The following UGP2 variants were observed in gnomAD, a reference collection of about 807,000 sequenced individuals.
The protein encoded by UGP2 is UDP-glucose pyrophosphorylase 2, also known as UTP--glucose-1-phosphate uridylyltransferase.
A neutral mutation model predicts 49.0 loss-of-function variants in UGP2; 40 were observed. The observed-to-expected ratio is 0.82, with a 90% confidence interval of 0.63 to 1.06. The LOEUF (loss-of-function observed/expected upper bound fraction) is 1.06. Ranked by LOEUF, UGP2 falls within the 50% of genes least tolerant of loss-of-function variation. The pLI is 0.00. For missense variants in UGP2, 460 were observed against 603.5 expected (o/e 0.76, Z 2.49); for synonymous variants, 225 against 213.0 (o/e 1.06, Z -0.49).
intron 1 of UGP2, among the ~76,000 whole-genome samples, chr2:63,850,731 C>T (rs77781263): frequency 0.039 from 5,902 of 152,246 alleles, 176 homozygotes; most frequent in Non-Finnish European, 0.056. Flanking sequence ...GGGACTGGGG[C>T]TTCAGATACT....
At chr2:63,887,921 G>T in intron 8 of UGP2, 1 of 358,672 alleles carries the variant, frequency 2.8e-6, no homozygotes, top group South Asian at 3.7e-5. Flanking sequence ...TCATCAGTGG[G>T]AAAAGGTTAA....
intron 1 of UGP2, among the ~76,000 whole-genome samples, chr2:63,850,983 T>A (rs1033048554): frequency 3.3e-5 from 5 of 152,346 alleles, no homozygotes; most frequent in African/African-American, 1.2e-4. Flanking sequence ...ATTACAGACA[T>A]ATACTTTCAC....
intron 3 of UGP2, among the ~76,000 whole-genome samples, chr2:63,867,168 C>G (rs1670240094): frequency 6.6e-6 from 1 of 152,148 alleles, no homozygotes; most frequent in Admixed American, 6.5e-5. Flanking sequence ...TTACTTCAAG[C>G]TCTATGTAAA....
chr2:63,841,035 T>G (rs955006529), upstream of UGP2: 6 of 152,060 alleles, frequency 3.9e-5, no homozygotes, highest in Admixed American at 1.3e-4. Context: ...GGGCTGTGGG[T>G]GTCGGGAGCC....
Position 63,842,034 on chromosome 2 carries a change from C to T in UGP2, c.-152C>T. The T allele has an allele frequency of 1.2e-6, 1 of 852,952 alleles. No individual in the cohort carries two copies. The highest frequency in any genetic ancestry group is 1.7e-6 in the Non-Finnish European group (1 of 605,718). The allele number at this position is 852,952 out of a possible 1,614,324, so 52.8% of individuals were successfully genotyped here. On this transcript the variant is annotated 5_prime_UTR_variant, in exon 1 of 10. Coordinates refer to ENST00000337130, the MANE Select transcript of UGP2 (RefSeq NM_006759.4). ...TCTTTTTTCTTGAGCCAGTTTTAAT[C>T]GCTTTGAATAAATACTCCCTTAAGT... is the stretch of plus-strand genomic sequence containing the variant.
chr2:63,890,482 C>T (rs909593545), intron 9 of UGP2, among the ~76,000 whole-genome samples: 2 of 152,122 alleles, frequency 1.3e-5, no homozygotes, highest in Non-Finnish European at 2.9e-5. Flanking sequence ...TACTCAGGTA[C>T]TCTTCAGTGT....
At chr2:63,856,006 C>A in intron 1 of UGP2, 1 of 249,670 alleles carries the variant, frequency 4.0e-6, no homozygotes, top group Non-Finnish European at 7.8e-6. Context: ...AATTGGGAAC[C>A]AGAAGATGGC....
chr2:63,867,678 TTTG>T (rs1670270988), intron 3 of UGP2, among the ~76,000 whole-genome samples: 1 of 152,202 alleles, frequency 6.6e-6, no homozygotes, highest in Admixed American at 6.5e-5. Flanking sequence ...TTTTTATATG[TTTG>T]TTATCAGTGT....
chr2:63,871,977 G>T (rs1245368320), intron 3 of UGP2, among the ~76,000 whole-genome samples: 2 of 152,220 alleles, frequency 1.3e-5, no homozygotes, highest in African/African-American at 4.8e-5. Context: ...ATACAATTTG[G>T]GGATGATTAC....
intron 3 of UGP2, among the ~76,000 whole-genome samples, chr2:63,881,269 TAAAG>T (rs1301510263): frequency 9.2e-5 from 14 of 151,990 alleles, no homozygotes; most frequent in Non-Finnish European, 2.1e-4. Context: ...TGACCAAGCA[TAAAG>T]AGATTTTTGC....
chr2:63,887,623 A>G lies in UGP2; in HGVS notation c.1293A>G (p.Lys431=). 1 of 1,614,134 alleles carries G rather than the reference A, an allele frequency of 6.2e-7. No individual in the cohort carries two copies. Among genetic ancestry groups the G allele is most frequent in the South Asian group, 1.1e-5 (1 of 91,080 alleles). The change falls in exon 8 of 10, where the codon AAA becomes AAG. Residue 431 remains lysine, a synonymous_variant. Transcript: ENST00000337130. ...AATTTCCTACAGTGCCCTTGGTTAAATTAGGCAGTTCTTTTACGAAGGTAC... is the reference window on the plus strand; with the variant it reads ...AATTTCCTACAGTGCCCTTGGTTAAGTTAGGCAGTTCTTTTACGAAGGTAC... ...KREFPTVPLV[K]LGSSFTKVQD... is the part of the protein sequence containing the mutation.
intron 1 of UGP2, chr2:63,842,579 G>T: frequency 6.7e-7 from 1 of 1,489,494 alleles, no homozygotes; most frequent in East Asian, 2.5e-5. Flanking sequence ...CTGGGGAAGC[G>T]GGAGGACTGA....
intron 3 of UGP2, among the ~76,000 whole-genome samples, chr2:63,869,446 T>C (rs1432839724): frequency 6.6e-6 from 1 of 152,232 alleles, no homozygotes; most frequent in Non-Finnish European, 1.5e-5. Context: ...TATTAACTGC[T>C]GTTTGAAACA....
intron 3 of UGP2, among the ~76,000 whole-genome samples, chr2:63,858,642 A>ATT (rs745683080): frequency 9.3e-5 from 14 of 150,796 alleles, no homozygotes; most frequent in Non-Finnish European, 1.8e-4. Context: ...TACAATATGC[A>ATT]TTTTTTTTTA....
chr2:63,843,102 G>A lies in UGP2; in HGVS notation c.19+898G>A, dbSNP rs967523816. Among the ~76,000 whole-genome samples, 2 of 152,142 alleles carry A rather than the reference G, an allele frequency of 1.3e-5. 1 individual carries two copies. The highest frequency in any genetic ancestry group is 1.3e-4 in the Admixed American group (2 of 15,288). ...TTATTATGCTTCCTGATAAATGTAG[G>A]TGTACTTTTGGAAAAAAAAAGTTGT... On this transcript the variant is annotated intron_variant, in intron 1 of 9. Transcript: ENST00000337130.
intron 3 of UGP2, among the ~76,000 whole-genome samples, chr2:63,865,056 C>CTTTTT (rs2104303797): frequency 6.6e-6 from 1 of 152,324 alleles, no homozygotes; most frequent in African/African-American, 2.4e-5. Context: ...GTCTGAAGTA[C>CTTTTT]TTTTTTCTGA....
At chr2:63,859,149 T>G (rs1433305650) in intron 3 of UGP2, 1 of 151,966 alleles carries the variant, frequency 6.6e-6, no homozygotes, top group East Asian at 1.9e-4. Flanking sequence ...TTTACCAACA[T>G]GTCTGGCTAA....
chr2:63,856,056 C>T (rs546083462), intron 1 of UGP2: 14 of 331,138 alleles, frequency 4.2e-5, no homozygotes, highest in African/African-American at 1.9e-4. Flanking sequence ...ATGAAAACGT[C>T]GATACAGGGA....
chr2:63,855,690 C>T (rs547571578), intron 1 of UGP2: 6 of 438,586 alleles, frequency 1.4e-5, no homozygotes, highest in Admixed American at 7.5e-5. Flanking sequence ...TACAGACAAG[C>T]GCCACCACAC....
Sources: gnomAD v4.1 joint callset for allele counts (sites outside exome capture counted in the v4.1 genomes callset) on GRCh38, gnomAD v4.1.1 for gene constraint, MANE v1.5 for transcripts, NCBI Gene and HGNC (gene_info 2026-07-23, HGNC 2026-07-21) for gene names.